The following SETD5 variants were observed in gnomAD, a reference collection of about 807,000 sequenced individuals.
The protein encoded by SETD5 is SET domain containing 5, also known as histone-lysine N-methyltransferase SETD5.
SETD5 carries 44 observed loss-of-function variants against 153.3 expected under a neutral mutation model. That is an observed-to-expected ratio of 0.29 (90% CI 0.23 to 0.37). The LOEUF (loss-of-function observed/expected upper bound fraction) is 0.37, where lower values mean the gene tolerates loss of function less well. Ranked by LOEUF, SETD5 falls within the 10% of genes least tolerant of loss-of-function variation. SETD5 has a pLI of 1.00. For missense variants in SETD5, 1,544 were observed against 1,768.0 expected (o/e 0.87, Z 2.27); for synonymous variants, 716 against 645.2 (o/e 1.11, Z -1.66).
intron 13 of SETD5, among the ~76,000 whole-genome samples, chr3:9,446,165 T>C (rs1430533236): frequency 1.3e-5 from 2 of 150,928 alleles, no homozygotes; most frequent in Non-Finnish European, 2.9e-5. Flanking sequence ...CGGGTGCCTG[T>C]AGTCCCAGCT....
At chr3:9,406,613 A>AAAAAAAAAAAAAAAAAAAAAAAAAAC (rs2035739699) in intron 1 of SETD5, among the ~76,000 whole-genome samples, 1 of 152,032 alleles carries the variant, frequency 6.6e-6, no homozygotes, top group African/African-American at 2.4e-5. Flanking sequence ...GTCTCAAAAA[A>AAAAAAAAAAAAAAAAAAAAAAAAAAC]AAAAAAAAGA....
intron 1 of SETD5, among the ~76,000 whole-genome samples, chr3:9,410,943 C>A (rs1011771709): frequency 1.3e-5 from 2 of 150,310 alleles, no homozygotes; most frequent in Non-Finnish European, 2.9e-5. Flanking sequence ...GGCTGGAGTG[C>A]AGTGGCATGA....
At chr3:9,399,106 T>C (rs551671198) in intron 1 of SETD5, among the ~76,000 whole-genome samples, 1 of 152,354 alleles carries the variant, frequency 6.6e-6, no homozygotes, top group South Asian at 2.1e-4. Context: ...AGTTCTGTGC[T>C]AATTACCTTC....
intron 1 of SETD5, among the ~76,000 whole-genome samples, chr3:9,420,336 C>T (rs2038182469): frequency 6.6e-6 from 1 of 152,096 alleles, no homozygotes; most frequent in Non-Finnish European, 1.5e-5. Flanking sequence ...GACTTGGTCT[C>T]TATAATACGC....
At chr3:9,451,993 C>A (rs1022305553) in intron 16 of SETD5, among the ~76,000 whole-genome samples, 1 of 152,136 alleles carries the variant, frequency 6.6e-6, no homozygotes, top group Non-Finnish European at 1.5e-5. Flanking sequence ...TTGTTAGATA[C>A]AAACAAATGT....
chr3:9,474,481 A>C lies in SETD5; in HGVS notation c.3530A>C (p.Glu1177Ala). The change falls in exon 21 of 23, where the codon GAA (glutamate) becomes GCA (alanine). Residue 1177 changes from glutamate to alanine, a missense_variant. Transcript: ENST00000402198. ...MVPTSVERLR[E>A]GGSIPKVLRS... ...CCCACATCAGTAGAACGACTCCGAG[A>C]AGGAGGGAGCATCCCCAAGGTCCTC... 6.2e-7 allele frequency: 1 copy of C among 1,613,896 alleles called. No homozygotes were observed. The highest frequency in any genetic ancestry group is 8.5e-7 in the Non-Finnish European group (1 of 1,179,848).
Position 9,470,451 on chromosome 3 carries a change from TC to T in SETD5, c.2725-7del. 1 of 1,603,924 alleles carries T rather than the reference TC, an allele frequency of 6.2e-7. No individual in the cohort carries two copies. The highest frequency in any genetic ancestry group is 8.5e-7 in the Non-Finnish European group (1 of 1,172,930). On this transcript the variant is annotated splice_polypyrimidine_tract_variant and splice_region_variant and intron_variant, in intron 18 of 22. Coordinates refer to ENST00000402198, the MANE Select transcript of SETD5 (RefSeq NM_001080517.3). Reference sequence around the variant, plus strand: ...ACCCCATGTCTCCGTTGATTTTTATTCTTTCAGCTTTGTCACCGAAAAGACC... The same window carrying T: ...ACCCCATGTCTCCGTTGATTTTTATTTTTCAGCTTTGTCACCGAAAAGACC...
Position 9,435,726 on chromosome 3 carries a change from AGGT to A in SETD5, c.390_392del (p.Gly131del). 1.1e-5 allele frequency: 17 copies of A among 1,564,268 alleles called. No homozygotes were observed. Among genetic ancestry groups the A allele is most frequent in the Non-Finnish European group, 1.5e-5 (17 of 1,158,218 alleles). ...CTGAACTATGAAATCATCATTTTTC[AGGT>A]GGGGATAGCAGTGCAACAGAAAGCT... On this transcript the variant is annotated splice_acceptor_variant and coding_sequence_variant, in exon 7 of 23. Coordinates refer to ENST00000402198, the MANE Select transcript of SETD5 (RefSeq NM_001080517.3). LOFTEE classifies it high-confidence loss of function.
chr3:9,444,954 A>G, intron 11 of SETD5, 94 bp from the exon 12 acceptor site: 2 of 1,433,642 alleles, frequency 1.4e-6, no homozygotes, highest in Non-Finnish European at 1.9e-6. Flanking sequence ...TATCAGAGGA[A>G]GTTACTGTAC....
chr3:9,438,173 G>A (rs1016168688), intron 7 of SETD5, among the ~76,000 whole-genome samples: 1 of 152,192 alleles, frequency 6.6e-6, no homozygotes, highest in Non-Finnish European at 1.5e-5. Context: ...AGAGTTGGGA[G>A]AGGACTCAGA....
chr3:9,425,784 A>C (rs894290766), intron 2 of SETD5, among the ~76,000 whole-genome samples: 2 of 152,104 alleles, frequency 1.3e-5, no homozygotes, highest in Non-Finnish European at 2.9e-5. Flanking sequence ...CCGTGAAACC[A>C]TGCATTTTTT....
At chr3:9,474,638 G>A in intron 21 of SETD5, 56 bp downstream of exon 21, 4 of 1,599,570 alleles carry the variant, frequency 2.5e-6, no homozygotes, top group Non-Finnish European at 3.4e-6. Context: ...GCCGAGTCCT[G>A]TACAGTTCAT....
At chr3:9,456,060 G>GT (rs1402607335) in intron 17 of SETD5, among the ~76,000 whole-genome samples, 4 of 151,894 alleles carry the variant, frequency 2.6e-5, no homozygotes, top group East Asian at 1.9e-4. Context: ...GCTCTCTTTT[G>GT]TTTTTTTCAA....
At chr3:9,474,862 A>G (rs2045693326) in intron 21 of SETD5, 1 of 620,986 alleles carries the variant, frequency 1.6e-6, no homozygotes, top group South Asian at 2.1e-5. Context: ...ATGAAGAGAA[A>G]GAAGACGGGA....
At chr3:9,436,968 TG>T in intron 7 of SETD5, 2 of 1,302,124 alleles carry the variant, frequency 1.5e-6, no homozygotes, top group Non-Finnish European at 2.1e-6. Context: ...CTGACATTGA[TG>T]GTCTGGGAAT....
chr3:9,422,697 A>G (rs1390477828), intron 1 of SETD5, among the ~76,000 whole-genome samples: 1 of 152,240 alleles, frequency 6.6e-6, no homozygotes, highest in African/African-American at 2.4e-5. Flanking sequence ...CTTAATATAT[A>G]CTGTGTTCAC....
intron 2 of SETD5, among the ~76,000 whole-genome samples, chr3:9,425,063 T>TTTTTTTC (rs2038969256): frequency 6.9e-6 from 1 of 144,632 alleles, no homozygotes; most frequent in African/African-American, 2.6e-5. Flanking sequence ...TTCTTTTTTT[T>TTTTTTTC]TTTTTTTTTT....
intron 3 of SETD5, among the ~76,000 whole-genome samples, chr3:9,433,201 T>G: frequency 6.6e-6 from 1 of 152,240 alleles, no homozygotes; most frequent in East Asian, 1.9e-4. Flanking sequence ...TATTTTGAAG[T>G]TCTATGGTAT....
chr3:9,406,607 C>CAAAAAAAAAAAAAAAAAAAAAAA (rs746999028), intron 1 of SETD5, among the ~76,000 whole-genome samples: 1 of 99,278 alleles, frequency 1.0e-5, no homozygotes, highest in African/African-American at 3.9e-5. Flanking sequence ...GACTCTGTCT[C>CAAAAAAAAAAAAAAAAAAAAAAA]AAAAAAAAAA....
Sources: gnomAD v4.1 joint callset for allele counts (sites outside exome capture counted in the v4.1 genomes callset) on GRCh38, gnomAD v4.1.1 for gene constraint, MANE v1.5 for transcripts, NCBI Gene and HGNC (gene_info 2026-07-23, HGNC 2026-07-21) for gene names.